PDGFRB: variants seen among roughly 807,000 people sequenced by gnomAD.
PDGFRB encodes platelet-derived growth factor receptor beta.
Under a neutral mutation model 120.2 loss-of-function variants are expected in PDGFRB, and 42 were observed. The ratio of observed to expected loss-of-function variants is 0.35; its 90% CI spans 0.27 to 0.45. PDGFRB has a LOEUF of 0.45. PDGFRB is among the 20% of genes least tolerant of loss of function. PDGFRB has a pLI of 1.00. For missense variants in PDGFRB, 1,149 were observed against 1,476.3 expected (o/e 0.78, Z 3.63); for synonymous variants, 586 against 606.8 (o/e 0.97, Z 0.50).
chr5:150,139,884 G>A (rs1307441904), intron 1 of PDGFRB, among the ~76,000 whole-genome samples: 1 of 152,002 alleles, frequency 6.6e-6, no homozygotes, highest in African/African-American at 2.4e-5. Flanking sequence ...GGAGGCCGAG[G>A]CAGGAGAATC....
intron 1 of PDGFRB, among the ~76,000 whole-genome samples, chr5:150,140,006 G>A (rs2113918722): frequency 6.6e-6 from 1 of 151,842 alleles, no homozygotes; most frequent in East Asian, 1.9e-4. Context: ...TTAGACAACA[G>A]TGTTTCAACA....
chr5:150,144,075 C>T (rs566143863), intron 1 of PDGFRB, among the ~76,000 whole-genome samples: 1 of 152,090 alleles, frequency 6.6e-6, no homozygotes, highest in Non-Finnish European at 1.5e-5. Context: ...CTCTGGAAGT[C>T]CAAACTGGAT....
At position 150,152,153 on chromosome 5, in the gene PDGFRB, C is replaced by A. The variant is rs575958110; in HGVS notation, c.-7+3244G>T. On this transcript the variant is annotated intron_variant, in intron 1 of 22. Coordinates refer to ENST00000261799, the MANE Select transcript of PDGFRB (RefSeq NM_002609.4). ...AACTCCAGACCTCGGGTGATCCACC[C>A]GCCTCGGCCTCCCAAAGTGCTGGGA... Among the ~76,000 whole-genome samples, 262 of 152,108 alleles carry A rather than the reference C, an allele frequency of 1.7e-3. 1 individual carries two copies. Among genetic ancestry groups the A allele is most frequent in the African/African-American group, 5.9e-3 (245 of 41,500 alleles).
rs565913005 is a variant in PDGFRB at position 150,115,662 on chromosome 5, A to G, written c.*101T>C. 1.3e-5 allele frequency: 15 copies of G among 1,143,422 alleles called. No individual in the cohort carries two copies. In the South Asian group the frequency reaches 2.0e-4, roughly 16 times the overall value. The allele number at this position is 1,143,422 out of a possible 1,614,324, so 70.8% of individuals were successfully genotyped here. ...AGCTTCCAGAAGGGGACAGCTGATAAGGGCAGCCTGGCTGACAGGAAGCCC... is the reference window on the plus strand; with the variant it reads ...AGCTTCCAGAAGGGGACAGCTGATAGGGGCAGCCTGGCTGACAGGAAGCCC... On this transcript the variant is annotated 3_prime_UTR_variant, in exon 23 of 23. Transcript: ENST00000261799.
At chr5:150,136,349 A>C (rs1329983964) in intron 2 of PDGFRB, among the ~76,000 whole-genome samples, 1 of 152,112 alleles carries the variant, frequency 6.6e-6, no homozygotes, top group Non-Finnish European at 1.5e-5. Flanking sequence ...GGGGGCCAGA[A>C]AAGATGCTGA....
In PDGFRB at chr5:150,117,795, C is replaced by G. The variant is rs35731372; in HGVS notation, c.2960G>C (p.Arg987Pro). 2 of 1,613,844 alleles carry G rather than the reference C, an allele frequency of 1.2e-6. No individual in the cohort carries two copies. Among genetic ancestry groups the G allele is most frequent in the South Asian group, 2.2e-5 (2 of 91,070 alleles). The change falls in exon 22 of 23, where the codon CGG becomes CCG. Residue 987 changes from arginine to proline, a missense_variant. Physicochemically the swap from Arg to Pro is moderately radical, Grantham distance 103. This residue lies in a region of PDGFRB where 202 missense variants were observed against 214.3 expected (regional missense o/e 0.94). Transcript: ENST00000261799. The part of the protein sequence containing the change: ...FLRSDHPAIL[R>P]SQARLPGFHG... ...GAACCCAGGCAAGCGGGCCTGGGAC[C>G]GAAGGATGGCTGGGTGGTCACTCCT... is the stretch of plus-strand genomic sequence containing the variant.
At chr5:150,153,854 C>T (rs950020010) in intron 1 of PDGFRB, 3 of 152,120 alleles carry the variant, frequency 2.0e-5, no homozygotes, top group Non-Finnish European at 4.4e-5. Flanking sequence ...AGGCTGGAGG[C>T]CTGGGTTCTA....
rs777749769 is a variant in PDGFRB at position 150,129,764 on chromosome 5, C to T, written c.1572G>A (p.Val524=). The T allele has an allele frequency of 5.0e-6, 8 of 1,612,062 alleles. No homozygotes were observed. The highest frequency in any genetic ancestry group is 6.8e-6 in the Non-Finnish European group (8 of 1,179,148). ...VGQDTQEVIV[V]PHSLPFKVVV... is the part of the protein sequence containing the mutation. ...CTGAGGCTGGGGACTCACAGTGTGGCACCACGATGACCTCCTGCGTGTCCT... is the reference window on the plus strand; with the variant it reads ...CTGAGGCTGGGGACTCACAGTGTGGTACCACGATGACCTCCTGCGTGTCCT... Residue 524 remains valine (V), a synonymous_variant, in exon 10 of 23, where the codon GTG becomes GTA. Transcript: ENST00000261799.
chr5:150,129,917 C>T lies in PDGFRB; in HGVS notation c.1419G>A (p.Glu473=), dbSNP rs964014584. The T allele has an allele frequency of 1.2e-6, 2 of 1,614,170 alleles. No homozygotes were observed. The highest frequency in any genetic ancestry group is 1.7e-6 in the Non-Finnish European group (2 of 1,180,026). The change falls in exon 10 of 23, where the codon GAG becomes GAA. Residue 473 remains glutamate (E), a synonymous_variant. Transcript: ENST00000261799. ...ACGTCACGTTAGTCTCCAGCTGGCT[C>T]TCCTCTTCGGAACTGTTCCCCAGCA... The part of the protein sequence containing the change: ...PTLLGNSSEE[E]SQLETNVTYW...
At chr5:150,142,599 C>T (rs1214984613) in intron 1 of PDGFRB, among the ~76,000 whole-genome samples, 3 of 150,682 alleles carry the variant, frequency 2.0e-5, no homozygotes, top group South Asian at 2.1e-4. Flanking sequence ...GCTCTAGTCC[C>T]GGCTGTGACA....
rs1282014494 is a variant in PDGFRB at position 150,155,593 on chromosome 5, G to C, written c.-203C>G. 7.5e-6 allele frequency: 3 copies of C among 398,756 alleles called. No homozygotes were observed. In the Admixed American group the frequency reaches 1.3e-4, roughly 18 times the overall value. 24.7% of individuals were successfully genotyped at this position (398,756 alleles called of 1,614,324 possible). A position where few individuals can be genotyped will look rare whatever the true frequency, so the allele number is the denominator to read the frequency against. On this transcript the variant is annotated 5_prime_UTR_variant, in exon 1 of 23. Transcript: ENST00000261799. The stretch of plus-strand genomic sequence containing the variant: ...AGGAGAACAGAGGGATGGAGGAAGG[G>C]GGCTGCTGTAGGGGAGAGGAGCGGC...
rs544162623 is a variant in PDGFRB at position 150,155,740 on chromosome 5, G to C, written c.-350C>G. On this transcript the variant is annotated 5_prime_UTR_variant, in exon 1 of 23. Coordinates refer to ENST00000261799, the MANE Select transcript of PDGFRB (RefSeq NM_002609.4). ...CAGGCTGCTGCTGGGCAGCAGGGCT[G>C]AGGGGCCGGCTCTCTCCTCCTCCTT... 19 of 398,732 alleles carry C rather than the reference G, an allele frequency of 4.8e-5. No individual in the cohort carries two copies. The highest frequency in any genetic ancestry group is 2.2e-4 in the Admixed American group (5 of 22,746). The allele number at this position is 398,732 out of a possible 1,614,324, so 24.7% of individuals were successfully genotyped here.
At chr5:150,150,010 A>T (rs1296748397) in intron 1 of PDGFRB, among the ~76,000 whole-genome samples, 1 of 152,200 alleles carries the variant, frequency 6.6e-6, no homozygotes, top group African/African-American at 2.4e-5. Flanking sequence ...CTTTATTATA[A>T]GAGGAAACTA....
intron 21 of PDGFRB, among the ~76,000 whole-genome samples, chr5:150,118,334 GT>G (rs1390305993): frequency 1.3e-5 from 2 of 152,324 alleles, no homozygotes; most frequent in African/African-American, 4.8e-5. Flanking sequence ...ACGGGGCAGG[GT>G]TTCAGGGCCC....
intron 22 of PDGFRB, 92 bp downstream of exon 22, chr5:150,117,526 C>A (rs544879834): frequency 3.1e-6 from 2 of 635,340 alleles, no homozygotes; most frequent in East Asian, 2.7e-5. Flanking sequence ...GCAAACCTGG[C>A]AGCGCGCGCG....
intron 11 of PDGFRB, 63 bp from the exon 12 acceptor site, chr5:150,125,640 T>A: frequency 6.4e-7 from 1 of 1,560,520 alleles, no homozygotes; most frequent in Admixed American, 1.7e-5. Context: ...CCCCATTAGG[T>A]TCGTCCGTCT....
chr5:150,135,948 A>AGGAGGCCACGTATGCACAGCC (rs1420632812), intron 2 of PDGFRB, 70 bp from the exon 3 acceptor site: 2 of 1,101,720 alleles, frequency 1.8e-6, no homozygotes, highest in Non-Finnish European at 2.6e-6. Flanking sequence ...TGAGCCTGCG[A>AGGAGGCCACGTATGCACAGCC]GGAGGCCACG....
At chr5:150,147,291 G>A (rs17614956) in intron 1 of PDGFRB, among the ~76,000 whole-genome samples, 1,705 of 152,310 alleles carry the variant, frequency 0.011, 19 homozygotes, top group Non-Finnish European at 0.018. Context: ...TCTCCGGCCG[G>A]TGCCATGGCA....
In PDGFRB at chr5:150,129,295, T is replaced by C. The variant is rs553189683; in HGVS notation, c.1579+462A>G. Among the ~76,000 whole-genome samples the C allele has an allele frequency of 2.6e-5, 4 of 152,368 alleles. No homozygotes were observed. In the East Asian group the frequency reaches 7.7e-4, roughly 29 times the overall value. ...GATGTCTGGGAATTAGGCATGCTCA[T>C]GTACATGGCTTACAAACACGTGGTG... On this transcript the variant is annotated intron_variant, in intron 10 of 22. Coordinates refer to ENST00000261799, the MANE Select transcript of PDGFRB (RefSeq NM_002609.4).
Sources: gnomAD v4.1 joint callset for allele counts (sites outside exome capture counted in the v4.1 genomes callset) on GRCh38, gnomAD v4.1.1 for gene constraint, gnomAD v4.1.1 regional missense constraint, MANE v1.5 for transcripts, NCBI Gene and HGNC (gene_info 2026-07-23, HGNC 2026-07-21) for gene names.